Variants in TEX101 observed in about 807,000 individuals in gnomAD.
TEX101 encodes the protein testis-expressed protein 101.
In TEX101, 10 loss-of-function variants were observed where a neutral mutation model predicts 18.1. That is an observed-to-expected ratio of 0.55 (90% CI 0.34 to 0.94). The LOEUF is 0.94. Among genes scored for constraint, TEX101 ranks in the 40% least tolerant of loss-of-function variants. The probability of loss-of-function intolerance (pLI) is 0.02; values close to 1 mark genes in which losing one functional copy is unlikely to be tolerated. For missense variants in TEX101, 259 were observed against 298.9 expected (o/e 0.87, Z 0.98); for synonymous variants, 94 against 114.8 (o/e 0.82, Z 1.16).
chr19:43,415,838 T>G (rs762189278), intron 1 of TEX101, 43 bp from the exon 2 acceptor site: 1 of 1,572,384 alleles, frequency 6.4e-7, no homozygotes, highest in Non-Finnish European at 8.7e-7. Flanking sequence ...TCTCATGCAC[T>G]CTGGCTGAAA....
At chr19:43,414,433 C>A (rs371720920), upstream of TEX101, among the ~76,000 whole-genome samples, 477 of 152,208 alleles carry the variant, frequency 3.1e-3, 2 homozygotes, top group African/African-American at 0.011. Flanking sequence ...GGGGCCACTG[C>A]AAGTGAAGAC....
upstream of TEX101, among the ~76,000 whole-genome samples, chr19:43,399,786 T>C (rs1362623698): frequency 1.3e-5 from 2 of 151,576 alleles, no homozygotes; most frequent in East Asian, 3.9e-4. Context: ...CCCCTCCAAG[T>C]TGGCTCCTAT....
intron 1 of TEX101, among the ~76,000 whole-genome samples, chr19:43,415,519 T>C (rs1255683118): frequency 6.6e-6 from 1 of 151,882 alleles, no homozygotes; most frequent in Non-Finnish European, 1.5e-5. Context: ...CCCAGCACTA[T>C]GGGGGGACGA....
At chr19:43,413,745 G>A (rs1970440643), upstream of TEX101, among the ~76,000 whole-genome samples, 1 of 151,962 alleles carries the variant, frequency 6.6e-6, no homozygotes, top group Admixed American at 6.6e-5. Context: ...CTGAGGTTAG[G>A]AGTTCAAGAC....
At chr19:43,406,099 A>AAAAAAAAAAAAAAAC (rs1599898129) in intron 2 of TEX101, 1 of 171,778 alleles carries the variant, frequency 5.8e-6, no homozygotes, top group African/African-American at 2.4e-5. Context: ...AAAAAAAAAA[A>AAAAAAAAAAAAAAAC]AAGCCAGATG....
upstream of TEX101, among the ~76,000 whole-genome samples, chr19:43,396,534 C>G (rs1970267673): frequency 6.6e-6 from 1 of 152,124 alleles, no homozygotes; most frequent in South Asian, 2.1e-4. Context: ...ATGTGTAACC[C>G]CTTAGAATCA....
the TEX101 span, among the ~76,000 whole-genome samples, chr19:43,394,400 C>G: frequency 2.0e-5 from 3 of 152,070 alleles, no homozygotes; most frequent in African/African-American, 7.2e-5. Flanking sequence ...ACTCCAGAGA[C>G]CATCACTTGG....
intron 1 of TEX101, among the ~76,000 whole-genome samples, chr19:43,401,826 C>G (rs1970321027): frequency 6.7e-6 from 1 of 150,328 alleles, no homozygotes; most frequent in African/African-American, 2.5e-5. Flanking sequence ...GCCTGGGCAA[C>G]AACAGCAAAA....
rs1466532314 is a variant in TEX101 at position 43,415,891 on chromosome 19, G to C, written c.-29G>C. The C allele has an allele frequency of 1.2e-6, 2 of 1,614,082 alleles. No homozygotes were observed. Among genetic ancestry groups the C allele is most frequent in the Non-Finnish European group, 1.7e-6 (2 of 1,180,018 alleles). On this transcript the variant is annotated 5_prime_UTR_variant, in exon 2 of 6. Transcript: ENST00000598265. ...CCATCAAATTCACAGATCCAGACCA[G>C]CTCCTCCCAGACCTCTCCAGAAGAA...
upstream of TEX101, chr19:43,414,738 C>A: frequency 2.8e-6 from 2 of 715,190 alleles, no homozygotes; most frequent in Non-Finnish European, 3.4e-6. Flanking sequence ...TCCGAGCATG[C>A]GCACCCTCCG....
chr19:43,401,979 A>G (rs1279714669), intron 1 of TEX101, among the ~76,000 whole-genome samples: 2 of 152,272 alleles, frequency 1.3e-5, no homozygotes, highest in Non-Finnish European at 2.9e-5. Flanking sequence ...CAGTCTATGA[A>G]TTAAAACTGG....
In TEX101 at chr19:43,407,577, A is replaced by C. The variant is rs1970378869; in HGVS notation, c.15+1058A>C. On this transcript the variant is annotated intron_variant, in intron 3 of 7. Transcript: ENST00000602198. ...GAGACAGGTTGATTTCACGCTAGTG[A>C]GCATGCGTGGTTGCCATGGTGCTCT... is the stretch of plus-strand genomic sequence containing the variant. Among the ~76,000 whole-genome samples, 3 of 152,160 alleles carry C rather than the reference A, an allele frequency of 2.0e-5. No homozygotes were observed. In the South Asian group the frequency reaches 6.2e-4, roughly 32 times the overall value.
Position 43,416,555 on chromosome 19 carries a change from G to T in TEX101, c.391G>T (p.Ala131Ser), listed in dbSNP as rs752679478. The T allele has an allele frequency of 1.2e-6, 2 of 1,612,056 alleles. No homozygotes were observed. The highest frequency in any genetic ancestry group is 1.7e-6 in the Non-Finnish European group (2 of 1,178,652). Residue 131 changes from alanine to serine, a missense_variant and splice_region_variant, in exon 4 of 6, where the codon GCT becomes TCT. Ala to Ser is a moderately conservative substitution (Grantham distance 99, BLOSUM62 1). Coordinates refer to ENST00000598265, the MANE Select transcript of TEX101 (RefSeq NM_001130011.3). Reference sequence around the variant, plus strand: ...GTTTTGGGAGTTCAGTGAGACCACAGGTACCCTGGAAGTGGGGGAGATAGG... The same window carrying T: ...GTTTTGGGAGTTCAGTGAGACCACATGTACCCTGGAAGTGGGGGAGATAGG... ...SQFWEFSETT[A>S]STVSTTLHCP...
chr19:43,415,711 G>C (rs1355110732), intron 1 of TEX101, among the ~76,000 whole-genome samples, 170 bp from the exon 2 acceptor site: 1 of 151,446 alleles, frequency 6.6e-6, no homozygotes, highest in Non-Finnish European at 1.5e-5. Context: ...AGTGAGCCGA[G>C]ATTGCGCCAC....
chr19:43,390,964 G>A, the TEX101 span, among the ~76,000 whole-genome samples: 11 of 152,124 alleles, frequency 7.2e-5, no homozygotes, highest in Non-Finnish European at 1.0e-4. Flanking sequence ...TGCATTTCAC[G>A]ACGTTAGGCA....
chr19:43,392,393 G>C, the TEX101 span, among the ~76,000 whole-genome samples: 2 of 152,026 alleles, frequency 1.3e-5, no homozygotes, highest in Non-Finnish European at 2.9e-5. Context: ...AGTGAGGGGA[G>C]AGAGAAAGGG....
intron 3 of TEX101, among the ~76,000 whole-genome samples, chr19:43,406,937 T>TTG (rs1970371126): frequency 1.0e-5 from 1 of 96,036 alleles, no homozygotes; most frequent in Admixed American, 1.1e-4. Flanking sequence ...TTTTGTTTTT[T>TTG]TTTTTTTTTT....
intron 1 of TEX101, among the ~76,000 whole-genome samples, chr19:43,402,312 A>T (rs960717371): frequency 3.3e-5 from 5 of 152,240 alleles, no homozygotes; most frequent in Non-Finnish European, 4.4e-5. Flanking sequence ...ATTGATTATT[A>T]ACCTGTAGAT....
At chr19:43,389,838 C>T in the TEX101 span, among the ~76,000 whole-genome samples, 2 of 152,230 alleles carry the variant, frequency 1.3e-5, no homozygotes, top group South Asian at 4.1e-4. Context: ...TGTGTCCTGT[C>T]TTCTGCACCC....
Sources: allele counts gnomAD v4.1 joint callset (sites outside exome capture counted in the v4.1 genomes callset), GRCh38; gene constraint gnomAD v4.1.1; transcripts MANE v1.5; gene names NCBI Gene and HGNC (gene_info 2026-07-23, HGNC 2026-07-21).